Variants in PARD3 observed in about 807,000 individuals in gnomAD.
PARD3 encodes par-3 family cell polarity regulator.
Under a neutral mutation model 155.4 loss-of-function variants are expected in PARD3, and 75 were observed. The observed-to-expected ratio is 0.48, with a 90% CI of 0.40 to 0.58. PARD3 has a LOEUF of 0.58. Ranked by LOEUF, PARD3 falls within the 20% of genes least tolerant of loss-of-function variation. The pLI is 0.00. For missense variants in PARD3, 1,642 were observed against 1,721.7 expected (o/e 0.95, Z 0.82); for synonymous variants, 576 against 610.5 (o/e 0.94, Z 0.83).
intron 1 of PARD3, among the ~76,000 whole-genome samples, chr10:34,758,945 A>C (rs367980280): frequency 6.6e-6 from 1 of 152,210 alleles, no homozygotes; most frequent in African/African-American, 2.4e-5. Context: ...AGGTTATGCA[A>C]ACAAAGACTA....
intron 14 of PARD3, 36 bp from the exon 15 acceptor site, chr10:34,348,151 A>C: frequency 1.3e-6 from 2 of 1,558,812 alleles, no homozygotes; most frequent in Non-Finnish European, 1.7e-6. Context: ...AAGAAAAATC[A>C]GTACCTGGAG....
At chr10:34,171,950 CAAAAAAAAAAAAAAAA>C (rs71033303) in intron 22 of PARD3, among the ~76,000 whole-genome samples, 14 of 47,248 alleles carry the variant, frequency 3.0e-4, no homozygotes, top group South Asian at 1.4e-3. Context: ...GACTCCATCT[CAAAAAAAAAAAAAAAA>C]AAAAAAAAAA....
In PARD3 at chr10:34,456,387, C is replaced by T. The variant is rs11009792; in HGVS notation, c.583-5939G>A. On this transcript the variant is annotated intron_variant, in intron 4 of 24. Transcript: ENST00000374788. The stretch of plus-strand genomic sequence containing the variant: ...TCTCGGCTCACCACAACCTCCGTCT[C>T]CCTGGTTCAAACGATTCTCCTGCCT... Among the ~76,000 whole-genome samples the T allele has an allele frequency of 5.9e-5, 9 of 152,198 alleles. No homozygotes were observed. The South Asian group carries it at 1.9e-3, about 32-fold the overall frequency.
chr10:34,746,247 A>G (rs879920169), intron 1 of PARD3, among the ~76,000 whole-genome samples: 12 of 152,012 alleles, frequency 7.9e-5, no homozygotes, highest in Non-Finnish European at 1.5e-4. Flanking sequence ...GTTCAGGAAC[A>G]GCCTGGCCAA....
intron 21 of PARD3, among the ~76,000 whole-genome samples, chr10:34,275,178 C>G (rs1955816411): frequency 6.6e-6 from 1 of 152,128 alleles, no homozygotes; most frequent in South Asian, 2.1e-4. Flanking sequence ...GAAATACTGA[C>G]TTTTTTCAAG....
At chr10:34,457,609 T>C (rs2077403740) in intron 4 of PARD3, among the ~76,000 whole-genome samples, 1 of 152,158 alleles carries the variant, frequency 6.6e-6, no homozygotes, top group Admixed American at 6.5e-5. Context: ...AATTTCCTTT[T>C]TCTTTTTTTG....
intron 22 of PARD3, among the ~76,000 whole-genome samples, chr10:34,254,085 C>T (rs660154): frequency 0.49 from 74,069 of 152,004 alleles, 18,274 homozygotes; most frequent in Middle Eastern, 0.64. Context: ...TACAAACAAA[C>T]TAAAAAAATT....
chr10:34,355,882 G>T (rs151057177), intron 14 of PARD3, among the ~76,000 whole-genome samples: 1,312 of 124,902 alleles, frequency 0.011, 20 homozygotes, highest in African/African-American at 0.039. Context: ...CCAAGATCAC[G>T]CCACTGCACT....
At chr10:34,169,637 C>A (rs114333150) in intron 22 of PARD3, among the ~76,000 whole-genome samples, 1 of 152,134 alleles carries the variant, frequency 6.6e-6, no homozygotes. Flanking sequence ...ATTAAACACA[C>A]GATGGAACAG....
rs375955188 is a variant in PARD3 at position 34,259,803 on chromosome 10, G to C, written c.3419+9854C>G. On this transcript the variant is annotated intron_variant, in intron 22 of 24. Transcript: ENST00000374788. ...AAGCAAATAGCTAGATGGTAAAAAG[G>C]GAATTTTTCTTTTTTTCTTTTTGAG... is the stretch of plus-strand genomic sequence containing the variant. Among the ~76,000 whole-genome samples the C allele has an allele frequency of 2.0e-5, 3 of 152,104 alleles. No homozygotes were observed. The East Asian group carries it at 5.8e-4, about 29-fold the overall frequency.
At chr10:34,237,296 C>A (rs577720030) in intron 22 of PARD3, among the ~76,000 whole-genome samples, 20 of 152,258 alleles carry the variant, frequency 1.3e-4, no homozygotes, top group Admixed American at 2.6e-4. Context: ...GGTGAAAATT[C>A]TCAGCTTTAA....
At chr10:34,721,290 A>T (rs1057389938) in intron 1 of PARD3, among the ~76,000 whole-genome samples, 1 of 152,242 alleles carries the variant, frequency 6.6e-6, no homozygotes, top group African/African-American at 2.4e-5. Context: ...TTAATATTCA[A>T]ATTAAGTTAT....
In PARD3 at chr10:34,771,941, C is replaced by A. The variant is rs147394239; in HGVS notation, c.120+42935G>T. On this transcript the variant is annotated intron_variant, in intron 1 of 24. Coordinates refer to ENST00000374788, the MANE Select transcript of PARD3 (RefSeq NM_001184785.2). ...CACACCTGGAAACAACTTCCATCAA[C>A]CCCTGGCAGGGGTAAAAAGTCATTT... 9.6e-3 allele frequency among the ~76,000 whole-genome samples: 1,456 copies of A among 152,284 alleles called. 19 individuals are homozygous for A. Among genetic ancestry groups the A allele is most frequent in the African/African-American group, 0.032 (1,339 of 41,542 alleles).
intron 2 of PARD3, among the ~76,000 whole-genome samples, chr10:34,566,161 T>C (rs1299679472): frequency 6.6e-6 from 1 of 152,206 alleles, no homozygotes; most frequent in Non-Finnish European, 1.5e-5. Context: ...TTTTCTATTT[T>C]GCAAGAAGTA....
intron 22 of PARD3, among the ~76,000 whole-genome samples, chr10:34,132,598 C>T (rs1947671368): frequency 6.6e-6 from 1 of 152,152 alleles, no homozygotes; most frequent in Non-Finnish European, 1.5e-5. Flanking sequence ...TTAAATCAAT[C>T]ATAAATCTCA....
chr10:34,286,541 G>A (rs1164988133), intron 20 of PARD3, among the ~76,000 whole-genome samples: 1 of 152,232 alleles, frequency 6.6e-6, no homozygotes, highest in African/African-American at 2.4e-5. Flanking sequence ...GAGCAGGCAA[G>A]TGCCAAGGCC....
chr10:34,635,991 A>G (rs1015869411), intron 2 of PARD3, among the ~76,000 whole-genome samples: 4 of 151,874 alleles, frequency 2.6e-5, no homozygotes, highest in Non-Finnish European at 5.9e-5. Context: ...ACGCAAGGAT[A>G]ACTTTTCTTA....
chr10:34,438,144 G>A (rs963066180), intron 5 of PARD3, among the ~76,000 whole-genome samples: 5 of 152,082 alleles, frequency 3.3e-5, no homozygotes, highest in African/African-American at 4.8e-5. Flanking sequence ...CAGACTGAGC[G>A]GGCTTATCTT....
At chr10:34,369,463 G>A (rs1840360876) in intron 12 of PARD3, among the ~76,000 whole-genome samples, 1 of 152,020 alleles carries the variant, frequency 6.6e-6, no homozygotes, top group African/African-American at 2.4e-5. Context: ...CTAAGTCATG[G>A]ACATTGTAAA....
Sources: allele counts gnomAD v4.1 joint callset (sites outside exome capture counted in the v4.1 genomes callset), GRCh38; gene constraint gnomAD v4.1.1; transcripts MANE v1.5; gene names NCBI Gene and HGNC (gene_info 2026-07-23, HGNC 2026-07-21).